The following VAV3 variants were observed in gnomAD, a reference collection of about 807,000 sequenced individuals.
VAV3 encodes the protein vav guanine nucleotide exchange factor 3, also known as guanine nucleotide exchange factor VAV3.
A neutral mutation model predicts 131.2 loss-of-function variants in VAV3; 94 were observed. The observed-to-expected ratio is 0.72, with a 90% CI of 0.61 to 0.85. The LOEUF is 0.85. VAV3 is among the 40% of genes least tolerant of loss of function. VAV3 has a pLI of 0.00. For missense variants in VAV3, 939 were observed against 1,002.7 expected (o/e 0.94, Z 0.86); for synonymous variants, 349 against 342.0 (o/e 1.02, Z -0.22).
At chr1:107,819,580 T>G (rs1218263482) in intron 2 of VAV3, among the ~76,000 whole-genome samples, 3 of 151,986 alleles carry the variant, frequency 2.0e-5, no homozygotes, top group Admixed American at 6.6e-5. Flanking sequence ...ATCTTGGTGA[T>G]GAGAACAGGA....
At chr1:107,587,198 G>A (rs1002493521) in intron 25 of VAV3, among the ~76,000 whole-genome samples, 2 of 152,140 alleles carry the variant, frequency 1.3e-5, no homozygotes, top group African/African-American at 2.4e-5. Context: ...TTGAATGCAC[G>A]AAGCAATGAA....
At chr1:107,775,778 T>C (rs1351025399) in intron 4 of VAV3, among the ~76,000 whole-genome samples, 1 of 152,098 alleles carries the variant, frequency 6.6e-6, no homozygotes, top group African/African-American at 2.4e-5. Context: ...CTACTCTTAA[T>C]AGATATTTAA....
intron 15 of VAV3, among the ~76,000 whole-genome samples, chr1:107,706,989 T>C (rs958622994): frequency 3.3e-5 from 5 of 152,164 alleles, no homozygotes; most frequent in Admixed American, 1.3e-4. Flanking sequence ...TTTAAAACTT[T>C]CATGAACTAA....
chr1:107,821,407 G>A (rs1667785148), intron 2 of VAV3, among the ~76,000 whole-genome samples: 1 of 152,206 alleles, frequency 6.6e-6, no homozygotes, highest in African/African-American at 2.4e-5. Flanking sequence ...TTGGTGCTGG[G>A]CCAATGAAGG....
intron 2 of VAV3, among the ~76,000 whole-genome samples, chr1:107,852,158 T>C (rs1669258894): frequency 6.6e-6 from 1 of 152,178 alleles, no homozygotes; most frequent in Admixed American, 6.5e-5. Flanking sequence ...AGACTGTACC[T>C]ATACCTTTAA....
intron 2 of VAV3, among the ~76,000 whole-genome samples, chr1:107,859,850 T>C (rs1282974512): frequency 3.3e-5 from 5 of 152,192 alleles, no homozygotes; most frequent in Non-Finnish European, 7.4e-5. Flanking sequence ...AGAAACTAGC[T>C]ATAAAATCCA....
chr1:107,668,819 A>T, intron 19 of VAV3: 1 of 985,510 alleles, frequency 1.0e-6, no homozygotes, highest in Non-Finnish European at 1.2e-6. Context: ...GGAGAAACAT[A>T]CAGTTTTGAT....
chr1:107,729,346 TATG>T (rs1449254750), intron 15 of VAV3, among the ~76,000 whole-genome samples: 1 of 152,170 alleles, frequency 6.6e-6, no homozygotes, highest in Non-Finnish European at 1.5e-5. Context: ...AAATTTGGTA[TATG>T]ATAATAGATG....
intron 1 of VAV3, among the ~76,000 whole-genome samples, chr1:107,882,917 G>A (rs1467809708): frequency 1.3e-5 from 2 of 152,114 alleles, no homozygotes; most frequent in Non-Finnish European, 2.9e-5. Flanking sequence ...AGTAAATGAT[G>A]ACCCTAAAGG....
intron 1 of VAV3, among the ~76,000 whole-genome samples, chr1:107,888,004 T>TG (rs574702173): frequency 0.15 from 22,157 of 147,746 alleles, 2,294 homozygotes; most frequent in African/African-American, 0.3. Flanking sequence ...TCCAAAAATT[T>TG]GGGGGGGGGG....
chr1:107,723,395 C>T (rs1022270801), intron 15 of VAV3, among the ~76,000 whole-genome samples: 5 of 151,918 alleles, frequency 3.3e-5, no homozygotes, highest in African/African-American at 1.2e-4. Context: ...TAGGGAACAT[C>T]CCATAAAAAT....
At chr1:107,758,059 A>G (rs1664214502) in intron 10 of VAV3, among the ~76,000 whole-genome samples, 1 of 152,108 alleles carries the variant, frequency 6.6e-6, no homozygotes, top group Admixed American at 6.6e-5. Flanking sequence ...AACTTAATCA[A>G]TCTTCACCCA....
intron 1 of VAV3, 187 bp downstream of exon 1, chr1:107,964,479 G>C (rs1675316521): frequency 5.2e-6 from 3 of 575,438 alleles, no homozygotes; most frequent in African/African-American, 1.9e-5. Context: ...CATTCAGCTT[G>C]AGGAGCTAAA....
At chr1:107,841,805 G>A (rs1396739797) in intron 2 of VAV3, among the ~76,000 whole-genome samples, 2 of 151,960 alleles carry the variant, frequency 1.3e-5, no homozygotes, top group African/African-American at 4.8e-5. Flanking sequence ...AATACAAACT[G>A]GGTTTGGAAG....
chr1:107,902,617 G>A (rs929781470), intron 1 of VAV3, among the ~76,000 whole-genome samples: 6 of 151,540 alleles, frequency 4.0e-5, no homozygotes, highest in Admixed American at 1.3e-4. Context: ...GTTCTTTTAC[G>A]TATTTTAGAA....
At chr1:107,705,095 A>T in intron 15 of VAV3, 34 bp from the exon 16 acceptor site, 1 of 1,529,652 alleles carries the variant, frequency 6.5e-7, no homozygotes, top group Non-Finnish European at 9.0e-7. Flanking sequence ...TTCTATAGAA[A>T]GTTTCACAAC....
At chr1:107,669,560 G>A in intron 19 of VAV3, 1 of 1,207,252 alleles carries the variant, frequency 8.3e-7, no homozygotes, top group Non-Finnish European at 1.0e-6. Context: ...ATACTCGGTA[G>A]CTGATGGTTG....
At chr1:107,579,354 C>A (rs1027453283) in intron 25 of VAV3, among the ~76,000 whole-genome samples, 2 of 152,164 alleles carry the variant, frequency 1.3e-5, no homozygotes, top group African/African-American at 4.8e-5. Context: ...TGAAGACTAG[C>A]TTTTATGTCT....
intron 17 of VAV3, among the ~76,000 whole-genome samples, chr1:107,700,953 G>C (rs12046282): frequency 0.56 from 84,847 of 151,976 alleles, 24,718 homozygotes; most frequent in Non-Finnish European, 0.63. Flanking sequence ...CACTGCCTCA[G>C]CAGCATCTAT....
Sources: allele counts gnomAD v4.1 joint callset (sites outside exome capture counted in the v4.1 genomes callset), GRCh38; gene constraint gnomAD v4.1.1; transcripts MANE v1.5; gene names NCBI Gene and HGNC (gene_info 2026-07-23, HGNC 2026-07-21).